The following SUPT3H variants were observed in gnomAD, a reference collection of about 807,000 sequenced individuals.
The protein encoded by SUPT3H is SPT3 homolog, SAGA and STAGA complex component.
In SUPT3H, 44 loss-of-function variants were observed where a neutral mutation model predicts 44.3. The observed-to-expected ratio is 0.99, with a 90% CI of 0.78 to 1.28. SUPT3H has a LOEUF of 1.28. Among genes scored for constraint, SUPT3H ranks in the 50% most tolerant of loss-of-function variants. SUPT3H has a pLI of 0.00. For synonymous variants in SUPT3H, 124 were observed against 125.6 expected (o/e 0.99, Z 0.09); for missense variants, 380 against 387.1 (o/e 0.98, Z 0.15).
At chr6:45,330,229 G>T (rs1787181508) in intron 2 of SUPT3H, among the ~76,000 whole-genome samples, 1 of 151,872 alleles carries the variant, frequency 6.6e-6, no homozygotes, top group Non-Finnish European at 1.5e-5. Context: ...TTTTAATGAT[G>T]GGTACCAAGT....
chr6:45,141,793 C>A (rs1373682644), intron 2 of SUPT3H, among the ~76,000 whole-genome samples: 1 of 152,054 alleles, frequency 6.6e-6, no homozygotes, highest in South Asian at 2.1e-4. Context: ...ATTGGTGTTC[C>A]TGAGGAAGAA....
intron 2 of SUPT3H, among the ~76,000 whole-genome samples, chr6:45,234,251 T>C (rs1768638648): frequency 6.6e-6 from 1 of 152,088 alleles, no homozygotes; most frequent in Admixed American, 6.5e-5. Flanking sequence ...TTTGGTAAAA[T>C]ACATTGATGT....
intron 1 of SUPT3H, chr6:45,371,931 G>A: frequency 2.5e-6 from 2 of 802,188 alleles, no homozygotes; most frequent in Non-Finnish European, 3.0e-6. Flanking sequence ...ACTGCCCAAG[G>A]ACACACTACT....
At chr6:45,157,064 T>C (rs1807948180) in intron 2 of SUPT3H, among the ~76,000 whole-genome samples, 1 of 152,092 alleles carries the variant, frequency 6.6e-6, no homozygotes, top group South Asian at 2.1e-4. Context: ...AATGCAATCA[T>C]CTGGCAAAAA....
intron 2 of SUPT3H, among the ~76,000 whole-genome samples, chr6:45,279,382 A>G (rs1160644907): frequency 6.6e-6 from 1 of 152,104 alleles, no homozygotes; most frequent in Non-Finnish European, 1.5e-5. Flanking sequence ...CCCCTACAAG[A>G]CTCATGTTGA....
rs1797673071 is a variant in SUPT3H, at chr6:45,095,485, C to T, written c.186+10437G>A. On this transcript the variant is annotated intron_variant, in intron 3 of 10. Coordinates refer to ENST00000371459, the MANE Select transcript of SUPT3H (RefSeq NM_003599.4). This position sits in a 1 kb window ranked among gnomAD's most constrained non-coding sequence, Gnocchi z 4.1. The stretch of plus-strand genomic sequence containing the variant: ...ATCCAGATCGGAGATTAAGCCATAA[C>T]TCTTCACACTTATAAATTTGTTCTT... Among the ~76,000 whole-genome samples the T allele has an allele frequency of 6.6e-6, 1 of 152,118 alleles. No individual in the cohort carries two copies. The highest frequency in any genetic ancestry group is 1.9e-4 in the East Asian group (1 of 5,182).
At chr6:45,247,412 T>C (rs537769222) in intron 2 of SUPT3H, among the ~76,000 whole-genome samples, 1 of 152,332 alleles carries the variant, frequency 6.6e-6, no homozygotes, top group South Asian at 2.1e-4. Flanking sequence ...AGGTCTTTTG[T>C]AGAAACACTG....
intron 6 of SUPT3H, among the ~76,000 whole-genome samples, chr6:44,970,861 T>G (rs565092415): frequency 6.6e-6 from 1 of 152,364 alleles, no homozygotes; most frequent in African/African-American, 2.4e-5. Context: ...GAGTTAGAAC[T>G]GCAGATCTTT....
intron 2 of SUPT3H, among the ~76,000 whole-genome samples, chr6:45,208,439 A>G (rs570265842): frequency 2.0e-4 from 31 of 152,300 alleles, no homozygotes; most frequent in African/African-American, 6.7e-4. Flanking sequence ...AAAAAAAGAG[A>G]TTCTTGACTG....
intron 2 of SUPT3H, among the ~76,000 whole-genome samples, chr6:45,298,746 C>G (rs1391684355): frequency 6.6e-6 from 1 of 152,040 alleles, no homozygotes; most frequent in African/African-American, 2.4e-5. Context: ...ATGGTAAAAT[C>G]TGAAAATATC....
intron 10 of SUPT3H, among the ~76,000 whole-genome samples, chr6:44,847,070 G>T (rs530831676): frequency 6.6e-6 from 1 of 152,320 alleles, no homozygotes; most frequent in Admixed American, 6.5e-5. Flanking sequence ...TTCAGTAATT[G>T]ATATTAAGGA....
chr6:45,189,779 A>G (rs1189858014), intron 2 of SUPT3H, among the ~76,000 whole-genome samples: 1 of 152,204 alleles, frequency 6.6e-6, no homozygotes, highest in Non-Finnish European at 1.5e-5. Context: ...GGAATAGCAC[A>G]ATTGATTTTA....
chr6:44,997,966 C>T (rs563105198), intron 6 of SUPT3H, among the ~76,000 whole-genome samples: 2 of 151,786 alleles, frequency 1.3e-5, no homozygotes, highest in East Asian at 3.9e-4. Context: ...GAAGCATACT[C>T]GAACTCAAGG....
intron 2 of SUPT3H, among the ~76,000 whole-genome samples, chr6:45,249,988 G>A (rs990486072): frequency 3.3e-5 from 5 of 152,154 alleles, no homozygotes; most frequent in Non-Finnish European, 7.4e-5. Context: ...CCTGTTTGGA[G>A]AAATGTTCAG....
At chr6:45,119,767 T>C (rs993839072) in intron 2 of SUPT3H, among the ~76,000 whole-genome samples, 7 of 152,146 alleles carry the variant, frequency 4.6e-5, no homozygotes, top group African/African-American at 1.7e-4. Context: ...AGGAAAAATG[T>C]TTGAAATTTC....
At chr6:45,328,899 C>T in intron 2 of SUPT3H, 1 of 1,091,834 alleles carries the variant, frequency 9.2e-7, no homozygotes, top group Non-Finnish European at 1.4e-6. Flanking sequence ...CCTAATTATG[C>T]TATCTTGTTG....
At chr6:45,160,463 C>T (rs1253557940) in intron 2 of SUPT3H, among the ~76,000 whole-genome samples, 2 of 152,076 alleles carry the variant, frequency 1.3e-5, no homozygotes, top group East Asian at 3.9e-4. Context: ...AGAGATTTTC[C>T]ATAGAAATGA....
At chr6:45,127,246 G>A (rs1019493713) in intron 2 of SUPT3H, among the ~76,000 whole-genome samples, 1 of 152,096 alleles carries the variant, frequency 6.6e-6, no homozygotes, top group Non-Finnish European at 1.5e-5. Context: ...CCTGGGAGGT[G>A]GAGGTTGCAG....
chr6:45,085,779 C>T (rs150309665), intron 3 of SUPT3H, among the ~76,000 whole-genome samples: 247 of 151,992 alleles, frequency 1.6e-3, no homozygotes, highest in African/African-American at 5.6e-3. Flanking sequence ...GAGATTCAAT[C>T]GAATACTGGA....
Sources: gnomAD v4.1 joint callset for allele counts (sites outside exome capture counted in the v4.1 genomes callset) on GRCh38, gnomAD v4.1.1 for gene constraint, Gnocchi (gnomAD v3.1) non-coding constraint, MANE v1.5 for transcripts, NCBI Gene and HGNC (gene_info 2026-07-23, HGNC 2026-07-21) for gene names.